Variants in TFB1M observed in about 807,000 individuals in gnomAD.
The protein encoded by TFB1M is transcription factor B1, mitochondrial.
A neutral mutation model predicts 31.1 loss-of-function variants in TFB1M; 27 were observed. The observed-to-expected ratio is 0.87, with a 90% CI of 0.64 to 1.20. The LOEUF (loss-of-function observed/expected upper bound fraction) is 1.20. TFB1M is among the 50% of genes most tolerant of loss of function. The pLI, the probability that TFB1M is intolerant of heterozygous loss-of-function variation, is 0.00. For missense variants in TFB1M, 394 were observed against 418.7 expected, an observed-to-expected ratio of 0.94 and a Z score of 0.51; for synonymous variants, 166 against 151.8, an observed-to-expected ratio of 1.09 and a Z score of -0.69.
At chr6:155,299,773 C>T (rs966478386) in intron 2 of TFB1M, among the ~76,000 whole-genome samples, 1 of 152,138 alleles carries the variant, frequency 6.6e-6, no homozygotes, top group Non-Finnish European at 1.5e-5. Context: ...CCTTGCCCAA[C>T]TCATACAACC....
At chr6:155,260,091 C>A (rs1015420109) in intron 6 of TFB1M, among the ~76,000 whole-genome samples, 182 bp downstream of exon 6, 5 of 152,202 alleles carry the variant, frequency 3.3e-5, no homozygotes, top group Non-Finnish European at 7.4e-5. Context: ...CTGAGAGAGG[C>A]CACCTGAGGT....
the TFB1M span, among the ~76,000 whole-genome samples, chr6:155,246,504 A>G: frequency 1.4e-4 from 21 of 152,150 alleles, no homozygotes; most frequent in African/African-American, 4.8e-4. Flanking sequence ...AATTTTAAAA[A>G]TGTAAAAATG....
At chr6:155,253,916 T>C, downstream of TFB1M, 1 of 1,395,432 alleles carries the variant, frequency 7.2e-7, no homozygotes. Flanking sequence ...CAAGTGTTCT[T>C]AACCACAGCA....
At chr6:155,286,429 A>G (rs2114742868) in intron 4 of TFB1M, among the ~76,000 whole-genome samples, 1 of 150,928 alleles carries the variant, frequency 6.6e-6, no homozygotes, top group African/African-American at 2.4e-5. Context: ...ATATGTATCT[A>G]TGTATGTCTT....
chr6:155,296,322 C>T (rs529778764), intron 4 of TFB1M, among the ~76,000 whole-genome samples: 55 of 152,040 alleles, frequency 3.6e-4, no homozygotes, highest in Non-Finnish European at 5.9e-4. Context: ...TGCAGTGGCA[C>T]GATCTTTGCT....
At position 155,295,137 on chromosome 6, in the gene TFB1M, C is replaced by A. The variant is rs185178194; in HGVS notation, c.546+1816G>T. ...ATCCCAGCACTTTGGGAGGCTGAGGCGGGTGGATCACGAGGTCAGGAGATG... is the reference window on the plus strand; with the variant it reads ...ATCCCAGCACTTTGGGAGGCTGAGGAGGGTGGATCACGAGGTCAGGAGATG... On this transcript the variant is annotated intron_variant, in intron 4 of 6. Transcript: ENST00000367166. 2.4e-3 allele frequency among the ~76,000 whole-genome samples: 364 copies of A among 152,212 alleles called. 3 individuals carry two copies. Among genetic ancestry groups the A allele is most frequent in the African/African-American group, 8.1e-3 (338 of 41,550 alleles).
At chr6:155,265,136 C>T (rs376067623) in intron 5 of TFB1M, among the ~76,000 whole-genome samples, 2 of 152,170 alleles carry the variant, frequency 1.3e-5, no homozygotes, top group Non-Finnish European at 2.9e-5. Context: ...GCTGTGCTCC[C>T]GCTTGGGTTT....
chr6:155,291,328 C>T (rs1776914611), intron 4 of TFB1M, among the ~76,000 whole-genome samples: 1 of 152,092 alleles, frequency 6.6e-6, no homozygotes, highest in South Asian at 2.1e-4. Context: ...TGTATAAGTG[C>T]AGAGGAAACA....
chr6:155,251,009 C>G, the TFB1M span: 8 of 1,613,974 alleles, frequency 5.0e-6, no homozygotes, highest in African/African-American at 4.0e-5. Flanking sequence ...GGACCTTGAG[C>G]TCACAGTATT....
At position 155,260,355 on chromosome 6, in the gene TFB1M, T is replaced by A. The variant is rs1370354728; in HGVS notation, c.712A>T (p.Ile238Leu). Reference sequence around the variant, plus strand: ...TCCACCAGCTTGAATGGCTGCTCTATCTTGGGCTGTATCAAGGGAGTGAAG... The same window carrying A: ...TCCACCAGCTTGAATGGCTGCTCTAACTTGGGCTGTATCAAGGGAGTGAAG... Reference protein sequence around the residue: ...VHFTPLIQPKIEQPFKLVEKV... With the variant: ...VHFTPLIQPKLEQPFKLVEKV... Residue 238 changes from isoleucine (I) to leucine (L), a missense_variant, in exon 6 of 7, where the codon ATA (isoleucine) becomes TTA (leucine). Around this residue, in one of 3 missense-constraint regions of TFB1M, gnomAD observed 115 missense variants for 144.1 expected, o/e 0.80. Coordinates refer to ENST00000367166, the MANE Select transcript of TFB1M (RefSeq NM_016020.4). 1 of 1,614,242 alleles carries A rather than the reference T, an allele frequency of 6.2e-7. No individual in the cohort carries two copies. The highest frequency in any genetic ancestry group is 2.2e-5 in the East Asian group (1 of 44,882).
chr6:155,240,473 G>A, the TFB1M span: 1 of 1,530,016 alleles, frequency 6.5e-7, no homozygotes, highest in South Asian at 1.2e-5. Flanking sequence ...CTTGGGGGCA[G>A]CGGATACTAT....
chr6:155,265,669 TG>T (rs1784594566), intron 5 of TFB1M, among the ~76,000 whole-genome samples: 1 of 147,558 alleles, frequency 6.8e-6, no homozygotes, highest in Non-Finnish European at 1.5e-5. Context: ...ACAGAACTAA[TG>T]GAATATATAT....
At chr6:155,242,212 C>T in the TFB1M span, among the ~76,000 whole-genome samples, 2 of 152,242 alleles carry the variant, frequency 1.3e-5, no homozygotes, top group African/African-American at 2.4e-5. Context: ...CCAGGCAGCA[C>T]CAGCCTGTGA....
rs562419511 is a variant in TFB1M at position 155,312,813 on chromosome 6, T to TA, written c.134-1475dup. 2.2e-3 allele frequency among the ~76,000 whole-genome samples: 336 copies of TA among 152,132 alleles called. 2 individuals carry two copies. The highest frequency in any genetic ancestry group is 7.6e-3 in the African/African-American group (316 of 41,490). ...GGATTTTAAAAAATACACAGACCTA[T>TA]AACTTCTGCCCTGAGAATGGTGATT... On this transcript the variant is annotated intron_variant, in intron 1 of 6. Transcript: ENST00000367166.
chr6:155,244,756 C>A, the TFB1M span: 2 of 1,613,778 alleles, frequency 1.2e-6, no homozygotes, highest in Non-Finnish European at 1.7e-6. Context: ...CTGACTTTAA[C>A]ACCCTAGAAA....
At chr6:155,245,755 G>GTTTTTTTTTTTTTTT in the TFB1M span, 2 of 1,022,124 alleles carry the variant, frequency 2.0e-6, no homozygotes. Flanking sequence ...GCCTTTTATA[G>GTTTTTTTTTTTTTTT]TTTTTTTTTT....
intron 1 of TFB1M, 150 bp from the exon 2 acceptor site, chr6:155,311,489 C>T: frequency 1.4e-6 from 1 of 715,994 alleles, no homozygotes; most frequent in Non-Finnish European, 2.4e-6. Context: ...TAACTCTCTA[C>T]CTAAATTAAC....
At chr6:155,298,416 G>GAACATT in intron 3 of TFB1M, 61 bp downstream of exon 3, 1 of 855,704 alleles carries the variant, frequency 1.2e-6, no homozygotes, top group Non-Finnish European at 2.0e-6. Context: ...ATCATAAAAT[G>GAACATT]AACATTTGTG....
chr6:155,309,518 C>T (rs1421491399), intron 2 of TFB1M, among the ~76,000 whole-genome samples: 1 of 152,132 alleles, frequency 6.6e-6, no homozygotes, highest in Non-Finnish European at 1.5e-5. Flanking sequence ...GGGTGGCAGT[C>T]GCTCTTTTCA....
Sources: gnomAD v4.1 joint callset for allele counts (sites outside exome capture counted in the v4.1 genomes callset) on GRCh38, gnomAD v4.1.1 for gene constraint, gnomAD v4.1.1 regional missense constraint, MANE v1.5 for transcripts, NCBI Gene and HGNC (gene_info 2026-07-23, HGNC 2026-07-21) for gene names.